The following ZNF608 variants were observed in gnomAD, a reference collection of about 807,000 sequenced individuals.
ZNF608 encodes zinc finger protein 608.
A neutral mutation model predicts 109.0 loss-of-function variants in ZNF608; 12 were observed. The observed-to-expected ratio is 0.11, with a 90% CI of 0.07 to 0.18. The LOEUF is 0.18. Ranked by LOEUF, ZNF608 falls within the 10% of genes least tolerant of loss-of-function variation. The probability of loss-of-function intolerance (pLI) is 1.00; values close to 1 mark genes in which losing one functional copy is unlikely to be tolerated. For synonymous variants in ZNF608, 732 were observed against 717.4 expected (o/e 1.02, Z -0.33); for missense variants, 1,707 against 1,879.3 (o/e 0.91, Z 1.70).
At chr5:124,694,848 G>C (rs1752781994) in intron 3 of ZNF608, among the ~76,000 whole-genome samples, 2 of 151,748 alleles carry the variant, frequency 1.3e-5, no homozygotes, top group South Asian at 4.2e-4. Flanking sequence ...GCGACAGTTT[G>C]CTCAGAATGA....
At position 124,637,092 on chromosome 5, in the gene ZNF608, T is replaced by TA. The variant is rs34398324; in HGVS notation, c.*807dup. 7,813 of 145,178 alleles carry TA rather than the reference T, an allele frequency of 0.054. 512 individuals carry two copies. The highest frequency in any genetic ancestry group is 0.16 in the African/African-American group (6,271 of 39,502). The allele number at this position is 145,178 out of a possible 1,614,324, so 9.0% of individuals were successfully genotyped here. ...TCTAAAACTGGATAATTGTAAACATTAAAAAAAAAAAAAGACTGTAGAACT... is the reference window on the plus strand; with the variant it reads ...TCTAAAACTGGATAATTGTAAACATTAAAAAAAAAAAAAAGACTGTAGAACT... On this transcript the variant is annotated 3_prime_UTR_variant, in exon 10 of 10. Coordinates refer to ENST00000513986, the MANE Select transcript of ZNF608 (RefSeq NM_020747.3).
At chr5:124,659,872 A>G (rs1751175387) in intron 3 of ZNF608, among the ~76,000 whole-genome samples, 1 of 152,220 alleles carries the variant, frequency 6.6e-6, no homozygotes, top group African/African-American at 2.4e-5. Context: ...GGGATTGAAG[A>G]GCCAGGCTTC....
upstream of ZNF608, among the ~76,000 whole-genome samples, chr5:124,747,674 A>T (rs1749687694): frequency 6.6e-6 from 1 of 151,596 alleles, no homozygotes; most frequent in African/African-American, 2.4e-5. Flanking sequence ...CAAGTTATGA[A>T]TGTGAAACAT....
intron 2 of ZNF608, among the ~76,000 whole-genome samples, chr5:124,742,461 A>G (rs1456090644): frequency 6.6e-6 from 1 of 152,264 alleles, no homozygotes; most frequent in Non-Finnish European, 1.5e-5. Context: ...TAGTTAAAGC[A>G]GATTAGAACT....
chr5:124,746,509 T>C lies in ZNF608; in HGVS notation c.-498A>G. On this transcript the variant is annotated 5_prime_UTR_variant, in exon 1 of 10. Coordinates refer to ENST00000513986, the MANE Select transcript of ZNF608 (RefSeq NM_020747.3). ...TCTTAACAAGCATCGAGAATAATAG[T>C]TTTTTAAAAAACAGAGAGTTTAGAG... 1.0e-6 allele frequency: 1 copy of C among 985,172 alleles called. No individual in the cohort carries two copies. The highest frequency in any genetic ancestry group is 1.2e-6 in the Non-Finnish European group (1 of 829,856). 61.0% of individuals were successfully genotyped at this position (985,172 alleles called of 1,614,324 possible).
chr5:124,704,823 G>A (rs1164620059), intron 2 of ZNF608, among the ~76,000 whole-genome samples: 3 of 151,864 alleles, frequency 2.0e-5, no homozygotes, highest in Non-Finnish European at 2.9e-5. Context: ...CTACTCAGTC[G>A]AGAGAAAACT....
At chr5:124,697,650 C>T (rs1407361037) in intron 3 of ZNF608, among the ~76,000 whole-genome samples, 11 of 152,160 alleles carry the variant, frequency 7.2e-5, no homozygotes, top group Admixed American at 1.3e-4. Flanking sequence ...TTCCTGAGCA[C>T]AACTTGGTTC....
chr5:124,700,151 C>T (rs188563706), intron 3 of ZNF608, among the ~76,000 whole-genome samples: 2 of 152,288 alleles, frequency 1.3e-5, no homozygotes, highest in Admixed American at 1.3e-4. Flanking sequence ...CTGGAGCATG[C>T]TTCTTCCTTA....
chr5:124,655,086 G>A (rs976816055), intron 3 of ZNF608, among the ~76,000 whole-genome samples: 3 of 152,050 alleles, frequency 2.0e-5, no homozygotes, highest in East Asian at 1.9e-4. Flanking sequence ...GAGGACTGAC[G>A]AGAGAGAGAG....
intron 2 of ZNF608, among the ~76,000 whole-genome samples, chr5:124,712,391 T>G (rs540416285): frequency 1.6e-4 from 24 of 152,232 alleles, no homozygotes; most frequent in African/African-American, 5.8e-4. Flanking sequence ...TTCTAGATCA[T>G]CTCTGTGACC....
chr5:124,678,086 G>T (rs1049003201), intron 3 of ZNF608, among the ~76,000 whole-genome samples: 6 of 152,192 alleles, frequency 3.9e-5, no homozygotes, highest in African/African-American at 1.4e-4. Flanking sequence ...GTGACTAGAA[G>T]TTTGTTCAAA....
At chr5:124,672,722 G>A (rs370556037) in intron 3 of ZNF608, among the ~76,000 whole-genome samples, 1 of 152,110 alleles carries the variant, frequency 6.6e-6, no homozygotes, top group African/African-American at 2.4e-5. Flanking sequence ...GCTAAACCAG[G>A]GGAAAAGTGA....
At chr5:124,697,068 C>T (rs150799385) in intron 3 of ZNF608, among the ~76,000 whole-genome samples, 4 of 152,036 alleles carry the variant, frequency 2.6e-5, no homozygotes, top group African/African-American at 9.6e-5. Context: ...TTGGCAAGTA[C>T]CACTTTTCTT....
chr5:124,647,961 A>T lies in ZNF608; in HGVS notation c.2423T>A (p.Leu808His). 6.2e-7 allele frequency: 1 copy of T among 1,613,822 alleles called. No individual in the cohort carries two copies. The highest frequency in any genetic ancestry group is 8.5e-7 in the Non-Finnish European group (1 of 1,179,988). Residue 808 changes from leucine (L) to histidine (H), a missense_variant, in exon 5 of 10, where the codon CTC (leucine) becomes CAC (histidine). Around this residue, in one of 7 missense-constraint regions of ZNF608, gnomAD observed 1,073 missense variants for 1,133.5 expected, o/e 0.95. Coordinates refer to ENST00000513986, the MANE Select transcript of ZNF608 (RefSeq NM_020747.3). The part of the protein sequence containing the change: ...PITVNPALVS[L>H]KDKKKKEKRK... Reference sequence around the variant, plus strand: ...CTTCTCCTTTTTCTTTTTGTCTTTGAGTGACACCAGAGCTGGGTTCACGGT... The same window carrying T: ...CTTCTCCTTTTTCTTTTTGTCTTTGTGTGACACCAGAGCTGGGTTCACGGT...
intron 3 of ZNF608, among the ~76,000 whole-genome samples, chr5:124,676,631 G>A (rs2149819504): frequency 6.6e-6 from 1 of 152,266 alleles, no homozygotes; most frequent in South Asian, 2.1e-4. Flanking sequence ...TTTAACAACT[G>A]GCTTAGATAC....
Position 124,744,296 on chromosome 5 carries a change from C to G in ZNF608, c.694G>C (p.Gly232Arg). 6.2e-7 allele frequency: 1 copy of G among 1,613,982 alleles called. No individual in the cohort carries two copies. Among genetic ancestry groups the G allele is most frequent in the East Asian group, 2.2e-5 (1 of 44,880 alleles). ...QNGSGSQAPS[G>R]GHLYGFGAKS... ...GCCCCAAAGCCATAGAGGTGCCCCCCGGAAGGGGCCTGGCTGCCACTGCCA... is the reference window on the plus strand; with the variant it reads ...GCCCCAAAGCCATAGAGGTGCCCCCGGGAAGGGGCCTGGCTGCCACTGCCA... The change falls in exon 2 of 10, where the codon GGG becomes CGG. Residue 232 changes from glycine to arginine, a missense_variant. Physicochemically the swap from Gly to Arg is moderately radical, Grantham distance 125 (BLOSUM62 -2). Coordinates refer to ENST00000513986, the MANE Select transcript of ZNF608 (RefSeq NM_020747.3). This position sits in a 1 kb window ranked among gnomAD's most constrained non-coding sequence, Gnocchi z 4.5.
At chr5:124,709,305 AATGTACACAGCTAC>A (rs1753397427) in intron 2 of ZNF608, among the ~76,000 whole-genome samples, 1 of 152,130 alleles carries the variant, frequency 6.6e-6, no homozygotes, top group Non-Finnish European at 1.5e-5. Flanking sequence ...AAAGCAAGAG[AATGTACACAGCTAC>A]ATGTGTAAAA....
At chr5:124,673,533 G>A (rs765932602) in intron 3 of ZNF608, among the ~76,000 whole-genome samples, 7 of 151,954 alleles carry the variant, frequency 4.6e-5, no homozygotes, top group Admixed American at 6.6e-5. Flanking sequence ...AATAGAATTC[G>A]ATAGATTCTA....
At position 124,650,848 on chromosome 5, in the gene ZNF608, T is replaced by A. The variant is rs1394772359; in HGVS notation, c.1163-1151A>T. 2.6e-5 allele frequency among the ~76,000 whole-genome samples: 4 copies of A among 152,226 alleles called. No homozygotes were observed. In the East Asian group the frequency reaches 7.7e-4, roughly 29 times the overall value. ...TGCTCACTTGCATTACCATTGCCAT[T>A]GTGAATTTTACAGAAAACCTGTAGT... On this transcript the variant is annotated intron_variant, in intron 3 of 9. Coordinates refer to ENST00000513986, the MANE Select transcript of ZNF608 (RefSeq NM_020747.3).
Sources: gnomAD v4.1 joint callset for allele counts (sites outside exome capture counted in the v4.1 genomes callset) on GRCh38, gnomAD v4.1.1 for gene constraint, gnomAD v4.1.1 regional missense constraint, Gnocchi (gnomAD v3.1) non-coding constraint, MANE v1.5 for transcripts, NCBI Gene and HGNC (gene_info 2026-07-23, HGNC 2026-07-21) for gene names.